YPEL1: variants seen among roughly 807,000 people sequenced by gnomAD.
The protein encoded by YPEL1 is yippee like 1.
In YPEL1, 7 loss-of-function variants were observed where a neutral mutation model predicts 17.3. The observed-to-expected ratio is 0.40, with a 90% CI of 0.23 to 0.76. The LOEUF is 0.76. Ranked by LOEUF, YPEL1 falls within the 30% of genes least tolerant of loss-of-function variation. The probability of loss-of-function intolerance (pLI) is 0.35; values close to 1 mark genes in which losing one functional copy is unlikely to be tolerated. For synonymous variants in YPEL1, 59 were observed against 59.6 expected (o/e 0.99, Z 0.05); for missense variants, 91 against 155.5 (o/e 0.59, Z 2.21).
intron 1 of YPEL1, among the ~76,000 whole-genome samples, chr22:21,718,783 T>TACACAC (rs10664985): frequency 8.0e-5 from 12 of 150,164 alleles, no homozygotes; most frequent in East Asian, 5.9e-4. Context: ...CACGTGTAAA[T>TACACAC]ACACACACAC....
In YPEL1 at chr22:21,701,100, C is replaced by T. The variant is rs1297545816; in HGVS notation, c.*29G>A. ...ATTCACAGTTTCTTTCACAAAACAGCATTCAAAGGAGAAGGGAAAGTTCGC... is the reference window on the plus strand; with the variant it reads ...ATTCACAGTTTCTTTCACAAAACAGTATTCAAAGGAGAAGGGAAAGTTCGC... On this transcript the variant is annotated 3_prime_UTR_variant, in exon 5 of 5. Transcript: ENST00000339468. 5.0e-6 allele frequency: 8 copies of T among 1,584,296 alleles called. No homozygotes were observed. The highest frequency in any genetic ancestry group is 2.6e-6 in the Non-Finnish European group (3 of 1,153,670).
chr22:21,700,363 G>A lies in YPEL1; in HGVS notation c.*766C>T, dbSNP rs2068053200. 2 of 152,342 alleles carry A rather than the reference G, an allele frequency of 1.3e-5. No homozygotes were observed. The highest frequency in any genetic ancestry group is 4.8e-5 in the African/African-American group (2 of 41,448). The allele number at this position is 152,342 out of a possible 1,614,324, so 9.4% of individuals were successfully genotyped here. A position where few individuals can be genotyped will look rare whatever the true frequency, so the allele number is the denominator to read the frequency against. On this transcript the variant is annotated 3_prime_UTR_variant, in exon 5 of 5. Transcript: ENST00000339468. ...AGTCTCGCCCTATTGCCAGGCTGGA[G>A]TGCAGTGGCGCGATCTTGGCTCACT...
intron 2 of YPEL1, among the ~76,000 whole-genome samples, chr22:21,706,555 T>C (rs1420139957): frequency 1.3e-5 from 2 of 152,022 alleles, no homozygotes; most frequent in African/African-American, 4.8e-5. Flanking sequence ...GGAGCAGATA[T>C]GGAAAAACAG....
At chr22:21,726,985 A>C (rs1325366550) in intron 1 of YPEL1, among the ~76,000 whole-genome samples, 1 of 152,170 alleles carries the variant, frequency 6.6e-6, no homozygotes, top group Admixed American at 6.6e-5. Flanking sequence ...TCCAACCAAA[A>C]CAGGCTTGCT....
intron 1 of YPEL1, among the ~76,000 whole-genome samples, chr22:21,729,100 G>A (rs1163576896): frequency 6.8e-6 from 1 of 147,744 alleles, no homozygotes; most frequent in Non-Finnish European, 1.5e-5. Context: ...CTGAGATTGC[G>A]CCATTGTACT....
intron 2 of YPEL1, among the ~76,000 whole-genome samples, chr22:21,706,150 G>T (rs1463860515): frequency 6.7e-6 from 1 of 150,248 alleles, no homozygotes; most frequent in Non-Finnish European, 1.5e-5. Flanking sequence ...TTTAAGAAAG[G>T]CTGGGCGCGG....
chr22:21,702,406 G>A (rs1450840876), intron 4 of YPEL1, among the ~76,000 whole-genome samples: 1 of 152,194 alleles, frequency 6.6e-6, no homozygotes, highest in East Asian at 1.9e-4. Flanking sequence ...AAACTCATGA[G>A]GAATCTGGGA....
rs74325630 is a variant in YPEL1 at position 21,705,470 on chromosome 22, T to A, written c.118-1588A>T. On this transcript the variant is annotated intron_variant, in intron 2 of 4. Coordinates refer to ENST00000339468, the MANE Select transcript of YPEL1 (RefSeq NM_013313.5). ...ACATTTCTGTATAAAACAAAGATGG[T>A]TTTGTATTGGCAGGCATGAACCACC... Among the ~76,000 whole-genome samples the A allele has an allele frequency of 7.1e-3, 1,078 of 152,192 alleles. 9 individuals are homozygous for A. Among genetic ancestry groups the A allele is most frequent in the African/African-American group, 0.025 (1,023 of 41,506 alleles).
At chr22:21,730,849 C>A (rs897251059) in intron 1 of YPEL1, among the ~76,000 whole-genome samples, 3 of 152,246 alleles carry the variant, frequency 2.0e-5, no homozygotes, top group Non-Finnish European at 4.4e-5. Context: ...CTGGCTCCTC[C>A]ATTGCCCAGT....
In YPEL1 at chr22:21,703,938, T is replaced by C. The variant is rs1310250075; in HGVS notation, c.118-56A>G. 2 of 1,551,822 alleles carry C rather than the reference T, an allele frequency of 1.3e-6. No individual in the cohort carries two copies. Among genetic ancestry groups the C allele is most frequent in the Non-Finnish European group, 1.7e-6 (2 of 1,145,878 alleles). On this transcript the variant is annotated intron_variant, in intron 2 of 4. Coordinates refer to ENST00000339468, the MANE Select transcript of YPEL1 (RefSeq NM_013313.5). This position sits in a 1 kb window ranked among gnomAD's most constrained non-coding sequence, Gnocchi z 6.1. The stretch of plus-strand genomic sequence containing the variant: ...GCGAGTGCTTTCTGGAACGAAGCGG[T>C]GCTGCCCAGAACCAGGGGAGTCCAG...
At position 21,697,936 on chromosome 22, in the gene YPEL1, G is replaced by C. The variant is rs1040872943; in HGVS notation, c.*3193C>G. The C allele has an allele frequency of 6.6e-6, 1 of 152,302 alleles. No homozygotes were observed. Among genetic ancestry groups the C allele is most frequent in the African/African-American group, 2.4e-5 (1 of 41,418 alleles). The allele number at this position is 152,302 out of a possible 1,614,324, so 9.4% of individuals were successfully genotyped here. On this transcript the variant is annotated 3_prime_UTR_variant, in exon 5 of 5. Transcript: ENST00000339468. ...TTATTTTCAATTCTAATATCTGACAGATGCCATCAAGAATAAGCATTAAGG... is the reference window on the plus strand; with the variant it reads ...TTATTTTCAATTCTAATATCTGACACATGCCATCAAGAATAAGCATTAAGG...
At chr22:21,717,048 G>A (rs1002247509) in intron 1 of YPEL1, among the ~76,000 whole-genome samples, 7 of 151,150 alleles carry the variant, frequency 4.6e-5, no homozygotes, top group African/African-American at 7.3e-5. Flanking sequence ...CTGAAGATAC[G>A]TCAGAATAAA....
In YPEL1 at chr22:21,732,963, T is replaced by C. The variant is rs547138745; in HGVS notation, c.-165+2652A>G. Among the ~76,000 whole-genome samples, 4 of 151,970 alleles carry C rather than the reference T, an allele frequency of 2.6e-5. No homozygotes were observed. The East Asian group carries it at 7.7e-4, about 29-fold the overall frequency. ...ATATCTACCAAAAAAAATTTTTTTT[T>C]TATATAGCTGGGCATGGTGGTGCAC... On this transcript the variant is annotated intron_variant, in intron 1 of 4. Transcript: ENST00000339468.
At chr22:21,732,693 A>C (rs1301361363) in intron 1 of YPEL1, among the ~76,000 whole-genome samples, 3 of 149,532 alleles carry the variant, frequency 2.0e-5, no homozygotes, top group African/African-American at 4.9e-5. Context: ...GAGACAGGAG[A>C]ATCGCTTGAA....
intron 1 of YPEL1, among the ~76,000 whole-genome samples, chr22:21,725,850 AT>A (rs1431800280): frequency 1.0e-3 from 137 of 135,956 alleles, no homozygotes; most frequent in African/African-American, 3.6e-3. Context: ...AAAAAAAAAA[AT>A]AGCCGGGCAC....
Position 21,701,879 on chromosome 22 carries a change from G to A in YPEL1, c.271-661C>T, listed in dbSNP as rs184401305. Reference sequence around the variant, plus strand: ...GTTTGAGACAAGCCTACGCAACACAGTGATTTTCTTCTACAAAAATCAAAA... The same window carrying A: ...GTTTGAGACAAGCCTACGCAACACAATGATTTTCTTCTACAAAAATCAAAA... On this transcript the variant is annotated intron_variant, in intron 4 of 4. Transcript: ENST00000339468. Among the ~76,000 whole-genome samples the A allele has an allele frequency of 1.4e-3, 206 of 152,164 alleles. No individual in the cohort carries two copies. In the Middle Eastern group the frequency reaches 0.024, roughly 18 times the overall value.
At chr22:21,721,750 T>G (rs1014253986) in intron 1 of YPEL1, among the ~76,000 whole-genome samples, 1 of 152,146 alleles carries the variant, frequency 6.6e-6, no homozygotes, top group Non-Finnish European at 1.5e-5. Context: ...TTAATTGCTG[T>G]TTGTCCTGAA....
chr22:21,708,434 G>A (rs2068134179), intron 2 of YPEL1, among the ~76,000 whole-genome samples: 1 of 142,454 alleles, frequency 7.0e-6, no homozygotes, highest in Non-Finnish European at 1.5e-5. Context: ...CTCCCAGGTT[G>A]AAGCAATTCT....
At chr22:21,725,711 G>A (rs1468520964) in intron 1 of YPEL1, among the ~76,000 whole-genome samples, 1 of 151,940 alleles carries the variant, frequency 6.6e-6, no homozygotes. Context: ...TCACTACTGC[G>A]GCCGGGTGCA....
Sources: allele counts gnomAD v4.1 joint callset (sites outside exome capture counted in the v4.1 genomes callset), GRCh38; gene constraint gnomAD v4.1.1; non-coding constraint Gnocchi (gnomAD v3.1); transcripts MANE v1.5; gene names NCBI Gene and HGNC (gene_info 2026-07-23, HGNC 2026-07-21).